ANKS1B: variants seen among roughly 807,000 people sequenced by gnomAD.
ANKS1B encodes the protein ankyrin repeat and sterile alpha motif domain-containing protein 1B.
ANKS1B carries 36 observed loss-of-function variants against 148.3 expected under a neutral mutation model. The observed-to-expected ratio is 0.24, with a 90% confidence interval of 0.19 to 0.32. The LOEUF (loss-of-function observed/expected upper bound fraction) is 0.32. Ranked by LOEUF, ANKS1B falls within the 10% of genes least tolerant of loss-of-function variation. The pLI, the probability that ANKS1B is intolerant of heterozygous loss-of-function variation, is 1.00. For missense variants in ANKS1B, 1,157 were observed against 1,542.6 expected (o/e 0.75, Z 4.19); for synonymous variants, 542 against 560.8 (o/e 0.97, Z 0.47).
At chr12:99,357,606 T>G (rs189111839) in intron 12 of ANKS1B, among the ~76,000 whole-genome samples, 1 of 152,194 alleles carries the variant, frequency 6.6e-6, no homozygotes, top group African/African-American at 2.4e-5. Context: ...CATCTGTTTA[T>G]GTGTCTGTGT....
chr12:99,639,129 CCAAA>C (rs915979091), intron 9 of ANKS1B, among the ~76,000 whole-genome samples: 5 of 152,186 alleles, frequency 3.3e-5, no homozygotes, highest in Admixed American at 6.5e-5. Flanking sequence ...GTTGGAGCCC[CCAAA>C]CAGAGTCCCC....
chr12:99,355,314 C>A (rs1394416207), intron 12 of ANKS1B, among the ~76,000 whole-genome samples: 1 of 152,066 alleles, frequency 6.6e-6, no homozygotes, highest in Non-Finnish European at 1.5e-5. Flanking sequence ...GGCTTTGATG[C>A]TAATTTCTCT....
At chr12:98,866,793 T>G (rs976812813) in intron 17 of ANKS1B, among the ~76,000 whole-genome samples, 2 of 152,208 alleles carry the variant, frequency 1.3e-5, no homozygotes, top group African/African-American at 4.8e-5. Flanking sequence ...TTCCTCTCTC[T>G]GGCTTAGGTA....
intron 9 of ANKS1B, among the ~76,000 whole-genome samples, chr12:99,622,696 G>C (rs1252287237): frequency 6.6e-6 from 1 of 151,802 alleles, no homozygotes; most frequent in Non-Finnish European, 1.5e-5. Context: ...AATTGAATCA[G>C]GAAGAAACTG....
chr12:99,802,730 T>A (rs1408179646), intron 4 of ANKS1B, among the ~76,000 whole-genome samples: 1 of 151,870 alleles, frequency 6.6e-6, no homozygotes, highest in Non-Finnish European at 1.5e-5. Flanking sequence ...CTGGGCAACA[T>A]AGTGAGACCT....
chr12:99,246,126 A>G, intron 13 of ANKS1B, 149 bp downstream of exon 13: 1 of 585,008 alleles, frequency 1.7e-6, no homozygotes, highest in Non-Finnish European at 2.9e-6. Flanking sequence ...ATTACCATGC[A>G]TTACCCACAG....
intron 17 of ANKS1B, among the ~76,000 whole-genome samples, chr12:99,002,700 T>G (rs1275253045): frequency 1.3e-5 from 2 of 152,218 alleles, no homozygotes; most frequent in South Asian, 4.1e-4. Flanking sequence ...GTATTTTTGC[T>G]CTTGAGTTTT....
chr12:99,221,467 A>G (rs1244125259), intron 14 of ANKS1B, among the ~76,000 whole-genome samples: 2 of 152,222 alleles, frequency 1.3e-5, no homozygotes, highest in East Asian at 3.8e-4. Flanking sequence ...GGCTAATAAG[A>G]AAGAGCTCCT....
intron 10 of ANKS1B, among the ~76,000 whole-genome samples, chr12:99,502,185 C>T (rs1163899089): frequency 6.6e-6 from 1 of 152,100 alleles, no homozygotes; most frequent in Non-Finnish European, 1.5e-5. Flanking sequence ...CCAATTAAAG[C>T]TCTTTCACAT....
intron 1 of ANKS1B, among the ~76,000 whole-genome samples, chr12:99,947,333 C>G (rs980487644): frequency 2.0e-5 from 3 of 150,902 alleles, no homozygotes; most frequent in Admixed American, 2.0e-4. Flanking sequence ...GAAATGAGAT[C>G]TGAGGTCTCT....
At chr12:98,817,594 A>G (rs1179313373) in intron 19 of ANKS1B, among the ~76,000 whole-genome samples, 2 of 152,066 alleles carry the variant, frequency 1.3e-5, no homozygotes, top group Non-Finnish European at 2.9e-5. Context: ...TGAGATACAC[A>G]CTCAGTCCTG....
chr12:98,873,246 T>C (rs1306285079), intron 17 of ANKS1B, among the ~76,000 whole-genome samples: 1 of 152,196 alleles, frequency 6.6e-6, no homozygotes, highest in East Asian at 1.9e-4. Flanking sequence ...TTTGTGCTGC[T>C]CCAGTCACTA....
chr12:99,207,380 A>G (rs2082804091), intron 14 of ANKS1B, among the ~76,000 whole-genome samples: 1 of 47,490 alleles, frequency 2.1e-5, no homozygotes, highest in Non-Finnish European at 3.4e-5. Context: ...ATTAATAGAT[A>G]TTTATGAAAT....
chr12:99,501,519 G>A (rs1381528316), intron 10 of ANKS1B, among the ~76,000 whole-genome samples: 1 of 152,060 alleles, frequency 6.6e-6, no homozygotes, highest in Non-Finnish European at 1.5e-5. Flanking sequence ...AATTCTTCAG[G>A]AATTTCCCAC....
intron 9 of ANKS1B, among the ~76,000 whole-genome samples, chr12:99,646,389 T>C (rs1295153450): frequency 1.3e-5 from 2 of 152,166 alleles, no homozygotes; most frequent in African/African-American, 2.4e-5. Context: ...CTGGGCACGG[T>C]GGCTCACACC....
Position 99,339,749 on chromosome 12 carries a change from C to T in ANKS1B, c.1756+59882G>A, listed in dbSNP as rs1158272915. Among the ~76,000 whole-genome samples the T allele has an allele frequency of 6.6e-5, 10 of 152,070 alleles. No homozygotes were observed. The East Asian group carries it at 1.4e-3, about 21-fold the overall frequency. On this transcript the variant is annotated intron_variant, in intron 12 of 26. Coordinates refer to ENST00000683438, the MANE Select transcript of ANKS1B (RefSeq NM_001352186.2). ...GTATTTTTGAATTCTGGTTTTCAGGCGCCCATCCTCCCTACTTCTGCCTTG... is the reference window on the plus strand; with the variant it reads ...GTATTTTTGAATTCTGGTTTTCAGGTGCCCATCCTCCCTACTTCTGCCTTG...
At chr12:99,778,373 C>T (rs1057145131) in intron 6 of ANKS1B, among the ~76,000 whole-genome samples, 5 of 151,480 alleles carry the variant, frequency 3.3e-5, no homozygotes, top group Admixed American at 6.6e-5. Context: ...CCAGACATGG[C>T]GGCAAGTGCC....
At chr12:99,381,241 C>T (rs965095854) in intron 12 of ANKS1B, among the ~76,000 whole-genome samples, 8 of 152,126 alleles carry the variant, frequency 5.3e-5, no homozygotes, top group South Asian at 2.1e-4. Flanking sequence ...CCTTAAGAAA[C>T]GAATACAGAC....
At chr12:99,802,286 A>G (rs2067040883) in intron 4 of ANKS1B, among the ~76,000 whole-genome samples, 1 of 152,138 alleles carries the variant, frequency 6.6e-6, no homozygotes, top group South Asian at 2.1e-4. Flanking sequence ...TATGAGAGAA[A>G]CTTATAAGAA....
Sources: allele counts gnomAD v4.1 joint callset (sites outside exome capture counted in the v4.1 genomes callset), GRCh38; gene constraint gnomAD v4.1.1; transcripts MANE v1.5; gene names NCBI Gene and HGNC (gene_info 2026-07-23, HGNC 2026-07-21).